The following SWAP70 variants were observed in gnomAD, a reference collection of about 807,000 sequenced individuals.
SWAP70 encodes switching B cell complex subunit SWAP70.
Under a neutral mutation model 80.2 loss-of-function variants are expected in SWAP70, and 34 were observed. The observed-to-expected ratio is 0.42, with a 90% confidence interval of 0.32 to 0.56. SWAP70 has a LOEUF of 0.56. SWAP70 is among the 20% of genes least tolerant of loss of function. The pLI is 0.09. For missense variants in SWAP70, 578 were observed against 690.7 expected (o/e 0.84, Z 1.83); for synonymous variants, 239 against 238.5 (o/e 1.00, Z -0.02).
chr11:9,720,926 C>G (rs1201388617), intron 3 of SWAP70, among the ~76,000 whole-genome samples: 1 of 152,158 alleles, frequency 6.6e-6, no homozygotes, highest in African/African-American at 2.4e-5. Context: ...AACGGTTCTC[C>G]TACCTCAGCC....
intron 9 of SWAP70, 141 bp downstream of exon 9, chr11:9,740,488 G>A: frequency 1.2e-6 from 1 of 866,170 alleles, no homozygotes; most frequent in Non-Finnish European, 1.9e-6. Flanking sequence ...GTCCAGATTA[G>A]AAAGACTGTG....
At chr11:9,715,488 CCTGT>C (rs1851054931) in intron 3 of SWAP70, among the ~76,000 whole-genome samples, 1 of 152,116 alleles carries the variant, frequency 6.6e-6, no homozygotes, top group South Asian at 2.1e-4. Context: ...CTGATTGCTG[CCTGT>C]ATTAGTCCAT....
chr11:9,670,143 T>C (rs1375337573), intron 1 of SWAP70, among the ~76,000 whole-genome samples: 2 of 151,882 alleles, frequency 1.3e-5, no homozygotes, highest in African/African-American at 4.8e-5. Flanking sequence ...ATTGGGAAGA[T>C]AACAGAAACC....
chr11:9,735,476 G>T (rs1392353468), intron 7 of SWAP70, among the ~76,000 whole-genome samples: 3 of 152,140 alleles, frequency 2.0e-5, no homozygotes, highest in East Asian at 1.9e-4. Flanking sequence ...TCTTGTACCT[G>T]TGTCATTGTA....
intron 1 of SWAP70, among the ~76,000 whole-genome samples, chr11:9,679,744 C>CT (rs1850543938): frequency 6.6e-6 from 1 of 152,168 alleles, no homozygotes; most frequent in Non-Finnish European, 1.5e-5. Context: ...TCTCAGCTCA[C>CT]TGCAAGCTCC....
chr11:9,708,710 A>G (rs752025892), intron 2 of SWAP70, among the ~76,000 whole-genome samples: 1 of 152,156 alleles, frequency 6.6e-6, no homozygotes, highest in Non-Finnish European at 1.5e-5. Context: ...GAGCAAGGCT[A>G]TCTGCTTTTG....
chr11:9,736,602 G>C (rs1851366187), intron 7 of SWAP70, among the ~76,000 whole-genome samples: 1 of 151,954 alleles, frequency 6.6e-6, no homozygotes, highest in Non-Finnish European at 1.5e-5. Context: ...TCTGACTGTT[G>C]CTCCTCAGAG....
chr11:9,722,385 G>A (rs1009027379), intron 3 of SWAP70, among the ~76,000 whole-genome samples: 1 of 152,362 alleles, frequency 6.6e-6, no homozygotes. Flanking sequence ...AATACGTTAA[G>A]TGCAGTGACC....
At chr11:9,682,039 A>T (rs1251893697) in intron 1 of SWAP70, among the ~76,000 whole-genome samples, 1 of 152,226 alleles carries the variant, frequency 6.6e-6, no homozygotes, top group Non-Finnish European at 1.5e-5. Flanking sequence ...AGGGTGGCAG[A>T]CATGCTCTTT....
chr11:9,717,074 T>G (rs2649047), intron 3 of SWAP70, among the ~76,000 whole-genome samples: 15,761 of 152,162 alleles, frequency 0.1, 1,583 homozygotes, highest in African/African-American at 0.26. Context: ...CCCTTGGATT[T>G]AACAATTAGG....
At chr11:9,743,249 A>G (rs962203863) in intron 9 of SWAP70, among the ~76,000 whole-genome samples, 7 of 147,640 alleles carry the variant, frequency 4.7e-5, no homozygotes, top group Non-Finnish European at 8.9e-5. Flanking sequence ...TTATGGCTGC[A>G]TAGTATTCCA....
At chr11:9,704,448 G>A (rs951513778) in intron 2 of SWAP70, among the ~76,000 whole-genome samples, 2 of 151,770 alleles carry the variant, frequency 1.3e-5, no homozygotes, top group African/African-American at 4.8e-5. Context: ...AGGCTGGAGT[G>A]CAATGGTATA....
intron 2 of SWAP70, among the ~76,000 whole-genome samples, chr11:9,697,820 G>T (rs984245916): frequency 3.3e-5 from 5 of 152,044 alleles, no homozygotes; most frequent in African/African-American, 1.2e-4. Flanking sequence ...TTGCTCTGTC[G>T]CATAGGCTGA....
chr11:9,670,091 A>T (rs1056716751), intron 1 of SWAP70, among the ~76,000 whole-genome samples: 1 of 152,086 alleles, frequency 6.6e-6, no homozygotes, highest in Non-Finnish European at 1.5e-5. Flanking sequence ...CTCACCCTGT[A>T]CTCCAGCTGG....
intron 1 of SWAP70, among the ~76,000 whole-genome samples, chr11:9,686,782 A>G (rs1395965458): frequency 6.6e-6 from 1 of 152,124 alleles, no homozygotes; most frequent in Non-Finnish European, 1.5e-5. Context: ...ACCATTTCCT[A>G]TTCACAGGTA....
At chr11:9,666,235 G>A (rs376337524) in intron 1 of SWAP70, among the ~76,000 whole-genome samples, 47 of 151,810 alleles carry the variant, frequency 3.1e-4, no homozygotes, top group African/African-American at 9.9e-4. Flanking sequence ...GCAGGTGTGC[G>A]TCACCACACC....
chr11:9,736,844 G>A (rs2133813554), intron 7 of SWAP70, among the ~76,000 whole-genome samples: 2 of 152,268 alleles, frequency 1.3e-5, no homozygotes, highest in Middle Eastern at 6.8e-3. Context: ...AGTCTTTAAG[G>A]TCAGTCTTTG....
At chr11:9,733,832 T>TA (rs1851330871) in intron 7 of SWAP70, among the ~76,000 whole-genome samples, 2 of 152,350 alleles carry the variant, frequency 1.3e-5, no homozygotes, top group Admixed American at 1.3e-4. Flanking sequence ...TGTCCTTTTT[T>TA]ATAATTTTAA....
At chr11:9,686,588 A>T (rs1455076182) in intron 1 of SWAP70, among the ~76,000 whole-genome samples, 2 of 151,820 alleles carry the variant, frequency 1.3e-5, no homozygotes, top group South Asian at 2.1e-4. Flanking sequence ...GGCTCAAGTG[A>T]TCCTCCTCCC....
Sources: gnomAD v4.1 joint callset for allele counts (sites outside exome capture counted in the v4.1 genomes callset) on GRCh38, gnomAD v4.1.1 for gene constraint, MANE v1.5 for transcripts, NCBI Gene and HGNC (gene_info 2026-07-23, HGNC 2026-07-21) for gene names.